SNX24: variants seen among roughly 807,000 people sequenced by gnomAD.
The protein encoded by SNX24 is sorting nexin-24.
SNX24 carries 22 observed loss-of-function variants against 28.7 expected under a neutral mutation model. The observed-to-expected ratio is 0.77, with a 90% CI of 0.55 to 1.10. SNX24 has a LOEUF of 1.10. SNX24 is among the 50% of genes least tolerant of loss of function. The pLI is 0.00. For missense variants in SNX24, 221 were observed against 201.1 expected (o/e 1.10, Z -0.60); for synonymous variants, 69 against 71.5 (o/e 0.96, Z 0.18).
intron 4 of SNX24, among the ~76,000 whole-genome samples, chr5:123,000,876 A>C (rs1762221826): frequency 1.3e-5 from 2 of 152,164 alleles, no homozygotes; most frequent in South Asian, 4.1e-4. Context: ...ACTACAAGAA[A>C]ATCAAGCAGG....
intron 3 of SNX24, among the ~76,000 whole-genome samples, chr5:122,962,476 T>C (rs1760524472): frequency 6.6e-6 from 1 of 152,238 alleles, no homozygotes; most frequent in Non-Finnish European, 1.5e-5. Context: ...TCTGAAACCA[T>C]CTATACGTAT....
intron 1 of SNX24, chr5:122,853,717 G>C (rs1387479707): frequency 4.9e-6 from 2 of 404,444 alleles, no homozygotes; most frequent in African/African-American, 4.1e-5. Context: ...TGAACTCCTG[G>C]TCTCAAGCGA....
intron 3 of SNX24, among the ~76,000 whole-genome samples, chr5:122,956,068 T>C (rs1000190131): frequency 2.6e-5 from 4 of 152,010 alleles, no homozygotes; most frequent in African/African-American, 9.7e-5. Flanking sequence ...CTTTTTTTTT[T>C]CTCTATCTCT....
intron 2 of SNX24, among the ~76,000 whole-genome samples, chr5:122,944,973 A>G (rs1759621045): frequency 6.6e-6 from 1 of 152,196 alleles, no homozygotes; most frequent in Admixed American, 6.5e-5. Flanking sequence ...TATTGCTGCT[A>G]TAACAAATTA....
intron 2 of SNX24, among the ~76,000 whole-genome samples, chr5:122,945,263 C>A (rs1255392943): frequency 2.0e-5 from 3 of 152,128 alleles, no homozygotes; most frequent in Non-Finnish European, 4.4e-5. Context: ...TTACATTGAG[C>A]CCACCCCAAT....
chr5:123,021,615 C>T (rs434789), intron 5 of SNX24, among the ~76,000 whole-genome samples: 35,149 of 152,126 alleles, frequency 0.23, 5,190 homozygotes, highest in Non-Finnish European at 0.34. Context: ...TTTAGCCCTA[C>T]AAAAATTCTC....
chr5:122,850,525 C>G (rs1467016106), intron 1 of SNX24, among the ~76,000 whole-genome samples: 3 of 152,100 alleles, frequency 2.0e-5, no homozygotes, highest in African/African-American at 7.2e-5. Flanking sequence ...AGGATGAAGG[C>G]TAGAACTAAG....
chr5:122,848,148 G>A (rs1754726550), intron 1 of SNX24, among the ~76,000 whole-genome samples: 1 of 152,124 alleles, frequency 6.6e-6, no homozygotes, highest in African/African-American at 2.4e-5. Context: ...TGTCACCCAG[G>A]CTGGAGTGCA....
At chr5:122,885,969 G>A (rs896923769) in intron 1 of SNX24, among the ~76,000 whole-genome samples, 2 of 148,486 alleles carry the variant, frequency 1.3e-5, no homozygotes, top group African/African-American at 5.0e-5. Context: ...AGAATCTAAT[G>A]CCCCCGCTGA....
At chr5:122,890,350 G>C (rs970285658) in intron 1 of SNX24, among the ~76,000 whole-genome samples, 2 of 151,796 alleles carry the variant, frequency 1.3e-5, no homozygotes, top group Non-Finnish European at 2.9e-5. Flanking sequence ...AAATGTTTCT[G>C]TCCTGGTTCA....
intron 1 of SNX24, among the ~76,000 whole-genome samples, chr5:122,896,817 T>G (rs1420395974): frequency 6.6e-6 from 1 of 152,256 alleles, no homozygotes; most frequent in African/African-American, 2.4e-5. Flanking sequence ...ACTTGTTAGT[T>G]TATGTGATTT....
intron 3 of SNX24, among the ~76,000 whole-genome samples, chr5:122,961,025 C>A (rs1561660740): frequency 6.6e-6 from 1 of 152,106 alleles, no homozygotes; most frequent in East Asian, 1.9e-4. Context: ...GTTTATCTTT[C>A]TTTTTTTCCA....
At chr5:122,967,646 G>T (rs1760768502) in intron 3 of SNX24, among the ~76,000 whole-genome samples, 1 of 152,202 alleles carries the variant, frequency 6.6e-6, no homozygotes, top group South Asian at 2.1e-4. Context: ...TGAAATGTCA[G>T]ACTGCCTGGG....
At chr5:123,005,354 C>T (rs1256445162) in intron 6 of SNX24, among the ~76,000 whole-genome samples, 2 of 152,120 alleles carry the variant, frequency 1.3e-5, no homozygotes, top group African/African-American at 4.8e-5. Flanking sequence ...ACCCTCCCAG[C>T]GGGCTGCTTT....
chr5:122,905,708 G>A (rs1382950209), intron 1 of SNX24, among the ~76,000 whole-genome samples: 1 of 152,192 alleles, frequency 6.6e-6, no homozygotes, highest in East Asian at 1.9e-4. Context: ...CTGAGCACTA[G>A]TTCAAGATCC....
downstream of SNX24, among the ~76,000 whole-genome samples, chr5:123,009,439 A>G (rs967821485): frequency 3.3e-5 from 5 of 152,232 alleles, no homozygotes; most frequent in Admixed American, 3.3e-4. Context: ...TGAAAAAACC[A>G]AGTATCTATA....
In SNX24 at chr5:122,938,993, A is replaced by G. The variant is rs42537; in HGVS notation, c.144+2176A>G. 5.3e-3 allele frequency among the ~76,000 whole-genome samples: 51 copies of G among 9,696 alleles called. 19 individuals carry two copies. The highest frequency in any genetic ancestry group is 0.037 in the African/African-American group (18 of 488). 6.4% of individuals were successfully genotyped at this position (9,696 alleles called of 152,430 possible). A position where few individuals can be genotyped will look rare whatever the true frequency, so the allele number is the denominator to read the frequency against. Reference sequence around the variant, plus strand: ...AAAAAGGCAATGAAATACAAATAACAATGGGGTATAAAAATAAACATAAAT... The same window carrying G: ...AAAAAGGCAATGAAATACAAATAACGATGGGGTATAAAAATAAACATAAAT... On this transcript the variant is annotated intron_variant, in intron 2 of 6. Coordinates refer to ENST00000261369, the MANE Select transcript of SNX24 (RefSeq NM_014035.4).
intron 3 of SNX24, among the ~76,000 whole-genome samples, chr5:122,959,009 A>G (rs1250238102): frequency 6.6e-6 from 1 of 152,206 alleles, no homozygotes; most frequent in Non-Finnish European, 1.5e-5. Context: ...CTGGCTACCT[A>G]GAATGCGTTA....
chr5:122,912,456 C>A (rs1170910487), intron 1 of SNX24, among the ~76,000 whole-genome samples: 1 of 151,966 alleles, frequency 6.6e-6, no homozygotes, highest in African/African-American at 2.4e-5. Flanking sequence ...ATTGAATACC[C>A]TTTATTTCCT....
Sources: gnomAD v4.1 joint callset for allele counts (sites outside exome capture counted in the v4.1 genomes callset) on GRCh38, gnomAD v4.1.1 for gene constraint, MANE v1.5 for transcripts, NCBI Gene and HGNC (gene_info 2026-07-23, HGNC 2026-07-21) for gene names.